Variants in PYGO1 observed in about 807,000 individuals in gnomAD.
The protein encoded by PYGO1 is pygopus family PHD finger 1, also known as pygopus homolog 1.
A neutral mutation model predicts 29.5 loss-of-function variants in PYGO1; 6 were observed. That is an observed-to-expected ratio of 0.20 (90% CI 0.11 to 0.40). The LOEUF is 0.40. Among genes scored for constraint, PYGO1 ranks in the 10% least tolerant of loss-of-function variants. PYGO1 has a pLI of 1.00. For synonymous variants in PYGO1, 186 were observed against 180.5 expected (o/e 1.03, Z -0.24); for missense variants, 515 against 514.9 (o/e 1.00, Z 0.00).
At chr15:55,573,821 C>T (rs1478761826) in intron 1 of PYGO1, among the ~76,000 whole-genome samples, 1 of 152,286 alleles carries the variant, frequency 6.6e-6, no homozygotes, top group Non-Finnish European at 1.5e-5. Flanking sequence ...TGTTGTATTA[C>T]ATACTGTGTT....
At chr15:55,581,132 T>G (rs376295202) in intron 1 of PYGO1, among the ~76,000 whole-genome samples, 2 of 152,130 alleles carry the variant, frequency 1.3e-5, no homozygotes, top group East Asian at 3.8e-4. Context: ...TGAGAGAACA[T>G]AAGGAACTCC....
intron 1 of PYGO1, among the ~76,000 whole-genome samples, chr15:55,551,602 C>T (rs1409233810): frequency 6.6e-6 from 1 of 151,828 alleles, no homozygotes; most frequent in Non-Finnish European, 1.5e-5. Context: ...CTGAGACCAG[C>T]CTGGAAAACA....
At chr15:55,548,172 A>G (rs1417589281) in intron 2 of PYGO1, among the ~76,000 whole-genome samples, 1 of 151,918 alleles carries the variant, frequency 6.6e-6, no homozygotes, top group African/African-American at 2.4e-5. Flanking sequence ...GGAGTGTGCC[A>G]CCACACCCGG....
intron 1 of PYGO1, among the ~76,000 whole-genome samples, chr15:55,557,830 A>C (rs1011727242): frequency 1.8e-4 from 27 of 152,356 alleles, no homozygotes; most frequent in African/African-American, 6.0e-4. Flanking sequence ...TTAGGTATTG[A>C]TGGGACGTCT....
At chr15:55,558,340 T>C (rs2058916595) in intron 1 of PYGO1, among the ~76,000 whole-genome samples, 2 of 151,404 alleles carry the variant, frequency 1.3e-5, no homozygotes, top group South Asian at 2.1e-4. Flanking sequence ...CTCAACAAAA[T>C]AAAAGAGGAT....
At chr15:55,584,785 T>C (rs1257510693) in intron 1 of PYGO1, among the ~76,000 whole-genome samples, 1 of 152,076 alleles carries the variant, frequency 6.6e-6, no homozygotes, top group Non-Finnish European at 1.5e-5. Flanking sequence ...TGGTAGAAAA[T>C]AGGAGTAAGA....
chr15:55,574,559 T>C (rs925746009), intron 1 of PYGO1, among the ~76,000 whole-genome samples: 1 of 152,230 alleles, frequency 6.6e-6, no homozygotes, highest in African/African-American at 2.4e-5. Context: ...TTCTAGGCTA[T>C]AGGGTTCATC....
At chr15:55,577,522 G>T (rs1356141378) in intron 1 of PYGO1, among the ~76,000 whole-genome samples, 2 of 151,786 alleles carry the variant, frequency 1.3e-5, no homozygotes, top group Non-Finnish European at 2.9e-5. Flanking sequence ...TTTTTAAAAA[G>T]TTAAGAAAAA....
chr15:55,553,599 TG>T (rs1445192525), intron 1 of PYGO1, among the ~76,000 whole-genome samples: 1 of 152,088 alleles, frequency 6.6e-6, no homozygotes, highest in Non-Finnish European at 1.5e-5. Context: ...TTAGTACAGA[TG>T]GGGTTTCGCC....
At position 55,544,934 on chromosome 15, in the gene PYGO1, A is replaced by T. The variant is rs2058843076; in HGVS notation, c.*1089T>A. 6.6e-6 allele frequency: 1 copy of T among 152,150 alleles called. No individual in the cohort carries two copies. Among genetic ancestry groups the T allele is most frequent in the Non-Finnish European group, 1.5e-5 (1 of 68,026 alleles). The allele number at this position is 152,150 out of a possible 1,614,324, so 9.4% of individuals were successfully genotyped here. A position where few individuals can be genotyped will look rare whatever the true frequency, so the allele number is the denominator to read the frequency against. On this transcript the variant is annotated 3_prime_UTR_variant, in exon 3 of 3. Transcript: ENST00000563719. ...CATTTTTATACTTTTCCCCAGTCAG[A>T]GCGGGAATTCCTTAAGTCTGCTGCA...
At position 55,545,934 on chromosome 15, in the gene PYGO1, T is replaced by A; in HGVS notation, c.*89A>T. The A allele has an allele frequency of 7.2e-7, 1 of 1,381,692 alleles. No individual in the cohort carries two copies. The highest frequency in any genetic ancestry group is 1.5e-5 in the South Asian group (1 of 66,736). 85.6% of individuals were successfully genotyped at this position (1,381,692 alleles called of 1,614,324 possible). ...TAAATAATGTTTTTGTGTATGCATT[T>A]AAAAAAATAATGTAAAACATTAAAA... On this transcript the variant is annotated 3_prime_UTR_variant, in exon 3 of 3. Transcript: ENST00000563719.
intron 1 of PYGO1, among the ~76,000 whole-genome samples, chr15:55,574,352 G>A (rs999870267): frequency 2.0e-5 from 3 of 152,168 alleles, no homozygotes; most frequent in Non-Finnish European, 2.9e-5. Flanking sequence ...ATTTAATACT[G>A]CATCATTGTT....
intron 1 of PYGO1, among the ~76,000 whole-genome samples, chr15:55,569,641 C>T (rs2058972353): frequency 6.6e-6 from 1 of 152,102 alleles, no homozygotes; most frequent in African/African-American, 2.4e-5. Context: ...ATGTTTATTC[C>T]ACCGTGGTCC....
At position 55,541,625 on chromosome 15, in the gene PYGO1, A is replaced by G. The variant is rs2058828385; in HGVS notation, c.*4398T>C. 6.6e-6 allele frequency: 1 copy of G among 152,210 alleles called. No homozygotes were observed. The highest frequency in any genetic ancestry group is 2.1e-4 in the South Asian group (1 of 4,832). The allele number at this position is 152,210 out of a possible 1,614,324, so 9.4% of individuals were successfully genotyped here. A position where few individuals can be genotyped will look rare whatever the true frequency, so the allele number is the denominator to read the frequency against. On this transcript the variant is annotated 3_prime_UTR_variant, in exon 3 of 3. Coordinates refer to ENST00000563719, the MANE Select transcript of PYGO1 (RefSeq NM_001367806.1). Reference sequence around the variant, plus strand: ...AGAAAATGCTTTTCTCTTAAAGTCTAGCCAACTACTACTGCCACACAAAGA... The same window carrying G: ...AGAAAATGCTTTTCTCTTAAAGTCTGGCCAACTACTACTGCCACACAAAGA...
At chr15:55,588,730 T>A (rs1485770098), upstream of PYGO1, 4 of 1,493,678 alleles carry the variant, frequency 2.7e-6, no homozygotes, top group Non-Finnish European at 3.7e-6. Flanking sequence ...GGAAAGGGCA[T>A]CTCCGAACTT....
Position 55,549,062 on chromosome 15 carries a change from A to G in PYGO1, c.50-67T>C, listed in dbSNP as rs919516631. ...TGAAGTTACTTTATATCTCATAGTAATATCTATTATATTTACCTGTTAATG... is the reference window on the plus strand; with the variant it reads ...TGAAGTTACTTTATATCTCATAGTAGTATCTATTATATTTACCTGTTAATG... On this transcript the variant is annotated intron_variant, in intron 1 of 2. Transcript: ENST00000563719. The G allele has an allele frequency of 3.3e-4, 388 of 1,161,466 alleles. 2 individuals carry two copies. Among genetic ancestry groups the G allele is most frequent in the Admixed American group, 8.7e-5 (4 of 46,148 alleles). The allele number at this position is 1,161,466 out of a possible 1,614,324, so 71.9% of individuals were successfully genotyped here.
chr15:55,588,924 A>C, upstream of PYGO1: 1 of 1,399,454 alleles, frequency 7.1e-7, no homozygotes, highest in Non-Finnish European at 1.0e-6. Flanking sequence ...GAATGCCTCC[A>C]CTTGGTATTT....
At chr15:55,585,496 T>C (rs535774725) in intron 1 of PYGO1, among the ~76,000 whole-genome samples, 38 of 152,328 alleles carry the variant, frequency 2.5e-4, no homozygotes, top group African/African-American at 7.9e-4. Context: ...AAAAATTTTT[T>C]AATGAATGTT....
Position 55,545,898 on chromosome 15 carries a change from TA to T in PYGO1, c.*124del. 8.8e-7 allele frequency: 1 copy of T among 1,142,628 alleles called. No individual in the cohort carries two copies. Among genetic ancestry groups the T allele is most frequent in the Non-Finnish European group, 1.2e-6 (1 of 827,038 alleles). The allele number at this position is 1,142,628 out of a possible 1,614,324, so 70.8% of individuals were successfully genotyped here. ...TTTGCTCTAGTGATGAAGTGATTAA[TA>T]AAAACTAAGTAAATAATGTTTTTGT... On this transcript the variant is annotated 3_prime_UTR_variant, in exon 3 of 3. Coordinates refer to ENST00000563719, the MANE Select transcript of PYGO1 (RefSeq NM_001367806.1).
Sources: allele counts gnomAD v4.1 joint callset (sites outside exome capture counted in the v4.1 genomes callset), GRCh38; gene constraint gnomAD v4.1.1; transcripts MANE v1.5; gene names NCBI Gene and HGNC (gene_info 2026-07-23, HGNC 2026-07-21).